Variants in TBCD observed in about 807,000 individuals in gnomAD.
TBCD encodes tubulin folding cofactor D.
TBCD carries 105 observed loss-of-function variants against 169.3 expected under a neutral mutation model. The ratio of observed to expected loss-of-function variants is 0.62; its 90% confidence interval spans 0.53 to 0.73. TBCD has a LOEUF of 0.73. Among genes scored for constraint, TBCD ranks in the 30% least tolerant of loss-of-function variants. TBCD has a pLI of 0.00. For missense variants in TBCD, 1,444 were observed against 1,600.1 expected, an observed-to-expected ratio of 0.90 and a Z score of 1.66; for synonymous variants, 700 against 643.9, an observed-to-expected ratio of 1.09 and a Z score of -1.32.
At chr17:82,784,470 G>C (rs570311903) in intron 7 of TBCD, among the ~76,000 whole-genome samples, 20 of 152,298 alleles carry the variant, frequency 1.3e-4, no homozygotes, top group African/African-American at 4.8e-4. Context: ...GGGTGGAGGG[G>C]TAGGGCAGGG....
At position 82,870,387 on chromosome 17, in the gene TBCD, C is replaced by T. The variant is rs776085042; in HGVS notation, c.1475+7C>T. ...TTGTGACTGCAATCTCGAGGTAGGC[C>T]CATTCGTCGAGGTACATCGGATGCG... On this transcript the variant is annotated splice_region_variant and intron_variant, in intron 14 of 38. Coordinates refer to ENST00000355528, the MANE Select transcript of TBCD (RefSeq NM_005993.5). 9 of 1,611,084 alleles carry T rather than the reference C, an allele frequency of 5.6e-6. No homozygotes were observed. The highest frequency in any genetic ancestry group is 2.7e-5 in the African/African-American group (2 of 75,000).
At chr17:82,872,936 G>A (rs980598434) in intron 14 of TBCD, among the ~76,000 whole-genome samples, 3 of 143,728 alleles carry the variant, frequency 2.1e-5, no homozygotes, top group African/African-American at 8.3e-5. Context: ...GACGGCTTCT[G>A]AGCCAGGCCC....
intron 13 of TBCD, among the ~76,000 whole-genome samples, chr17:82,849,908 C>G (rs1304668968): frequency 1.3e-5 from 2 of 152,144 alleles, no homozygotes; most frequent in Non-Finnish European, 2.9e-5. Flanking sequence ...CTGTTGTTGG[C>G]TGTGCTGTTG....
chr17:82,827,440 G>A (rs2052953826), intron 13 of TBCD, among the ~76,000 whole-genome samples: 3 of 152,196 alleles, frequency 2.0e-5, no homozygotes, highest in Non-Finnish European at 4.4e-5. Context: ...AGAGCCTTAG[G>A]GGCTGAGGCT....
chr17:82,866,432 T>A (rs1469548511), intron 13 of TBCD, among the ~76,000 whole-genome samples: 1 of 152,246 alleles, frequency 6.6e-6, no homozygotes, highest in African/African-American at 2.4e-5. Context: ...CAGATTCCTT[T>A]CTAGGGACCT....
chr17:82,786,957 C>A (rs559770541), intron 7 of TBCD, among the ~76,000 whole-genome samples: 1 of 151,352 alleles, frequency 6.6e-6, no homozygotes, highest in African/African-American at 2.4e-5. Flanking sequence ...GTGGGCGGGA[C>A]GGCTCGCTGC....
intron 23 of TBCD, among the ~76,000 whole-genome samples, chr17:82,917,194 A>AT (rs1480913952): frequency 4.0e-5 from 6 of 151,196 alleles, no homozygotes; most frequent in Non-Finnish European, 8.8e-5. Flanking sequence ...TAATTTTTGT[A>AT]TTTTTTGTAG....
chr17:82,899,032 C>T (rs890247947), intron 17 of TBCD, among the ~76,000 whole-genome samples: 34 of 152,348 alleles, frequency 2.2e-4, no homozygotes, highest in African/African-American at 7.2e-4. Context: ...CGGGGAAGGT[C>T]GTATCCATGG....
Position 82,903,436 on chromosome 17 carries a change from C to T in TBCD, c.1762C>T (p.His588Tyr). ...VIRELAARALHNLAQQAPEFS... is the reference protein window; with the variant it reads ...VIRELAARALYNLAQQAPEFS... ...CCGAGAGTTGGCTGCGAGGGCGCTG[C>T]ACAACCTGGCCCAGCAGGCACCCGA... The change falls in exon 19 of 39, where the codon CAC (histidine) becomes TAC (tyrosine). Residue 588 changes from histidine (H) to tyrosine (Y), a missense_variant. Coordinates refer to ENST00000355528, the MANE Select transcript of TBCD (RefSeq NM_005993.5). The surrounding 1 kb of genome is among the most constrained non-coding windows in gnomAD (Gnocchi z 4.8). 6.2e-7 allele frequency: 1 copy of T among 1,604,262 alleles called. No homozygotes were observed. Among genetic ancestry groups the T allele is most frequent in the Non-Finnish European group, 8.5e-7 (1 of 1,175,470 alleles).
chr17:82,929,147 G>T lies in TBCD; in HGVS notation c.2728G>T (p.Ala910Ser). The T allele has an allele frequency of 6.2e-7, 1 of 1,612,954 alleles. No individual in the cohort carries two copies. The highest frequency in any genetic ancestry group is 8.5e-7 in the Non-Finnish European group (1 of 1,179,882). The change falls in exon 31 of 39, where the codon GCC becomes TCC. Residue 910 changes from alanine to serine, a missense_variant. Coordinates refer to ENST00000355528, the MANE Select transcript of TBCD (RefSeq NM_005993.5). ...CATCATGTGCTGTGTGGCCCAGCAG[G>T]CCAGTGAGAAGATTGACCGTTTCCG... ...ERIMCCVAQQ[A>S]SEKIDRFRAH... is the part of the protein sequence containing the mutation.
intron 23 of TBCD, among the ~76,000 whole-genome samples, chr17:82,914,540 T>C (rs2060890390): frequency 6.6e-6 from 1 of 152,220 alleles, no homozygotes; most frequent in Non-Finnish European, 1.5e-5. Flanking sequence ...CTCACACCGC[T>C]GAGTGCAAAC....
intron 13 of TBCD, among the ~76,000 whole-genome samples, chr17:82,865,779 C>T (rs191516466): frequency 3.3e-4 from 51 of 152,308 alleles, no homozygotes; most frequent in Non-Finnish European, 5.6e-4. Context: ...ATGCCTGGAT[C>T]CCTTCTGCCC....
intron 14 of TBCD, among the ~76,000 whole-genome samples, chr17:82,883,619 C>G (rs2058521670): frequency 6.6e-6 from 1 of 152,198 alleles, no homozygotes. Context: ...TCAGGTCCCT[C>G]TGGGCACGGT....
intron 20 of TBCD, among the ~76,000 whole-genome samples, chr17:82,907,265 A>C (rs2060315996): frequency 6.6e-6 from 1 of 152,234 alleles, no homozygotes; most frequent in African/African-American, 2.4e-5. Flanking sequence ...GTCAGTGGAC[A>C]TGAGCTGTCG....
chr17:82,896,404 A>T (rs1228905416), intron 17 of TBCD, among the ~76,000 whole-genome samples: 1 of 141,300 alleles, frequency 7.1e-6, no homozygotes, highest in Non-Finnish European at 1.5e-5. Context: ...TTGGGCCTGC[A>T]CTCTTGTTCT....
Position 82,884,243 on chromosome 17 carries a change from G to C in TBCD, c.1533+41G>C, listed in dbSNP as rs759681890. The C allele has an allele frequency of 6.4e-7, 1 of 1,553,912 alleles. No homozygotes were observed. Among genetic ancestry groups the C allele is most frequent in the Non-Finnish European group, 8.8e-7 (1 of 1,142,590 alleles). On this transcript the variant is annotated intron_variant, in intron 15 of 38. Transcript: ENST00000355528. This position sits in a 1 kb window ranked among gnomAD's most constrained non-coding sequence, Gnocchi z 4.2. ...TTGATATTTCCTTTCCTGAAGGTGG[G>C]GGGTGGGCCTGGTCTCCCTGATGCT...
At chr17:82,917,452 A>G (rs1213635733) in intron 23 of TBCD, among the ~76,000 whole-genome samples, 3 of 152,122 alleles carry the variant, frequency 2.0e-5, no homozygotes, top group Non-Finnish European at 2.9e-5. Context: ...ATGGTTTAAA[A>G]TCTTTGTTTA....
In TBCD at chr17:82,789,519, A is replaced by C. The variant is rs2049550468; in HGVS notation, c.771+7798A>C. ...GGGCTGGGCTGCTGCTGAGTGGGCT[A>C]GAGCTGGGTCTCAGTGGCCCCTGCC... is the stretch of plus-strand genomic sequence containing the variant. On this transcript the variant is annotated intron_variant, in intron 7 of 38. Coordinates refer to ENST00000355528, the MANE Select transcript of TBCD (RefSeq NM_005993.5). This position sits in a 1 kb window ranked among gnomAD's most constrained non-coding sequence, Gnocchi z 4.8. Among the ~76,000 whole-genome samples the C allele has an allele frequency of 6.6e-6, 1 of 152,170 alleles. No homozygotes were observed. Among genetic ancestry groups the C allele is most frequent in the South Asian group, 2.1e-4 (1 of 4,824 alleles).
At chr17:82,914,283 T>C (rs1180206751) in intron 23 of TBCD, 1 of 152,514 alleles carries the variant, frequency 6.6e-6, no homozygotes, top group African/African-American at 2.4e-5. Flanking sequence ...TTGGGGGTGC[T>C]GGGTGCAGGG....
Sources: gnomAD v4.1 joint callset for allele counts (sites outside exome capture counted in the v4.1 genomes callset) on GRCh38, gnomAD v4.1.1 for gene constraint, Gnocchi (gnomAD v3.1) non-coding constraint, MANE v1.5 for transcripts, NCBI Gene and HGNC (gene_info 2026-07-23, HGNC 2026-07-21) for gene names.